TTN: variants seen among roughly 807,000 people sequenced by gnomAD.
TTN encodes titin, also known as connectin.
TTN carries 1,525 observed loss-of-function variants against 3,223.0 expected under a neutral mutation model. The ratio of observed to expected loss-of-function variants is 0.47; its 90% confidence interval spans 0.45 to 0.49. The LOEUF is 0.49. TTN is among the 20% of genes least tolerant of loss of function. The probability of loss-of-function intolerance (pLI) is 0.00; values close to 1 mark genes in which losing one functional copy is unlikely to be tolerated. For missense variants in TTN, 40,786 were observed against 43,424.0 expected (o/e 0.94, Z 5.40); for synonymous variants, 14,094 against 15,161.0 (o/e 0.93, Z 5.17).
Position 178,728,971 on chromosome 2 carries a change from T to A in TTN, c.19067A>T (p.Asn6356Ile), listed in dbSNP as rs773854949. The change falls in exon 65 of 363, where the codon AAT becomes ATT. Residue 6356 changes from asparagine (N) to isoleucine (I), a missense_variant. By Grantham distance (149) the Asn-to-Ile change is moderately radical. Transcript: ENST00000589042. Reference protein sequence around the residue: ...VATLQIRSVDNGHSGRYTCQA... With the variant: ...VATLQIRSVDIGHSGRYTCQA... ...ACAGGTATATCTCCCACTGTGTCCATTATCCACACTTCTGATTTGAAGTGT... is the reference window on the plus strand; with the variant it reads ...ACAGGTATATCTCCCACTGTGTCCAATATCCACACTTCTGATTTGAAGTGT... 7.4e-6 allele frequency: 12 copies of A among 1,613,006 alleles called. No homozygotes were observed. Among genetic ancestry groups the A allele is most frequent in the African/African-American group, 1.3e-5 (1 of 74,898 alleles).
chr2:178,641,497 G>A, intron 219 of TTN, 182 bp from the exon 220 acceptor site: 1 of 416,802 alleles, frequency 2.4e-6, no homozygotes, highest in Non-Finnish European at 4.2e-6. Flanking sequence ...AAAATCAAAG[G>A]TTGTCAATTA....
At position 178,564,830 on chromosome 2, in the gene TTN, C is replaced by A. The variant is rs201490050; in HGVS notation, c.81302G>T (p.Gly27101Val). 6.4e-5 allele frequency: 104 copies of A among 1,613,082 alleles called. No homozygotes were observed. In the African/African-American group the frequency reaches 1.3e-3, roughly 20 times the overall value. Residue 27101 changes from glycine to valine, a missense_variant, in exon 326 of 363, where the codon GGC (glycine) becomes GTC (valine). Gly to Val is a moderately radical substitution (Grantham distance 109). Transcript: ENST00000589042. ...AAGATGGTAGCCAATAATTTTGGTG[C>A]CTCCATCATTCACTGGCTCATGCCA... is the stretch of plus-strand genomic sequence containing the variant. ...VQWHEPVNDGGTKIIGYHLEQ... is the reference protein window; with the variant it reads ...VQWHEPVNDGVTKIIGYHLEQ...
chr2:178,771,492 A>C (rs773688361), intron 33 of TTN, 21 bp from the exon 34 acceptor site: 16 of 1,613,770 alleles, frequency 9.9e-6, no homozygotes, highest in Non-Finnish European at 1.4e-5. Context: ...AGAGATGTAC[A>C]GTATGAGTCC....
chr2:178,731,050 C>G lies in TTN; in HGVS notation c.17615G>C (p.Ser5872Thr). 1 of 1,613,668 alleles carries G rather than the reference C, an allele frequency of 6.2e-7. No homozygotes were observed. The highest frequency in any genetic ancestry group is 8.5e-7 in the Non-Finnish European group (1 of 1,179,734). Residue 5872 changes from serine to threonine, a missense_variant, in exon 60 of 363, where the codon AGT (serine) becomes ACT (threonine). Physicochemically the swap from Ser to Thr is moderately conservative, Grantham distance 58. Coordinates refer to ENST00000589042, the MANE Select transcript of TTN (RefSeq NM_001267550.2). ...CAGTATTGAGACTGTATCAGTGACA[C>G]TGATTTTATATTTTGAGCCCAGGGT... ...ELTLGSKYKI[S>T]VTDTVSILKI...
intron 353 of TTN, 49 bp downstream of exon 353, chr2:178,538,897 C>T (rs1237864273): frequency 6.3e-7 from 1 of 1,580,146 alleles, no homozygotes; most frequent in Middle Eastern, 1.7e-4. Flanking sequence ...ATAAAAGGAC[C>T]AAACATGGCT....
At position 178,764,695 on chromosome 2, in the gene TTN, T is replaced by C. The variant is rs201696360; in HGVS notation, c.9820A>G (p.Lys3274Glu). 3.1e-6 allele frequency: 5 copies of C among 1,614,132 alleles called. No homozygotes were observed. Among genetic ancestry groups the C allele is most frequent in the Non-Finnish European group, 4.2e-6 (5 of 1,180,004 alleles). ...CCAGTGGAAAGCAGCTGCTCTTCCT[T>C]GTACCAGGAAATTTTGGGCTGTGGT... ...GRPQPKISWY[K>E]EEQLLSTGFK... The change falls in exon 42 of 363, where the codon AAG becomes GAG. Residue 3274 changes from lysine to glutamate, a missense_variant. Transcript: ENST00000589042.
chr2:178,704,232 G>T lies in TTN; in HGVS notation c.30138C>A (p.Thr10046=). 6.2e-7 allele frequency: 1 copy of T among 1,613,952 alleles called. No individual in the cohort carries two copies. ...TEVEHKVHKL[T]IADVRAEDQG... ...GGTCTTCTGCTCGAACATCTGCAATGGTCAATTTATGGACTTTGTGTTCCA... is the reference window on the plus strand; with the variant it reads ...GGTCTTCTGCTCGAACATCTGCAATTGTCAATTTATGGACTTTGTGTTCCA... The change falls in exon 106 of 363, where the codon ACC becomes ACA. Residue 10046 remains threonine, a synonymous_variant. Coordinates refer to ENST00000589042, the MANE Select transcript of TTN (RefSeq NM_001267550.2).
chr2:178,681,355 G>T, intron 137 of TTN, 21 bp downstream of exon 137: 1 of 1,598,582 alleles, frequency 6.3e-7, no homozygotes, highest in Non-Finnish European at 8.6e-7. Context: ...TGTTTTTGGT[G>T]ATTATTACTC....
rs2047290068 is a variant in TTN at position 178,579,833 on chromosome 2, AC to A, written c.67363del (p.Val22455LeufsTer4). ...AVKASQTPGPVVDLKVRSVSK... is the reference protein window; with the variant it reads ...AVKASQTPGPXVDLKVRSVSK... Reference sequence around the variant, plus strand: ...TACAGACCTCACTTTCAGGTCCACAACTGGTCCAGGAGTTTCTAAAGCAAAG... The same window carrying A: ...TACAGACCTCACTTTCAGGTCCACAATGGTCCAGGAGTTTCTAAAGCAAAG... On this transcript the variant is annotated frameshift_variant, in exon 319 of 363. Coordinates refer to ENST00000589042, the MANE Select transcript of TTN (RefSeq NM_001267550.2). LOFTEE classifies it high-confidence loss of function. The A allele has an allele frequency of 6.2e-7, 1 of 1,612,996 alleles. No individual in the cohort carries two copies. Among genetic ancestry groups the A allele is most frequent in the Non-Finnish European group, 8.5e-7 (1 of 1,179,438 alleles).
In TTN at chr2:178,741,249, G is replaced by A. The variant is rs749320093; in HGVS notation, c.11984C>T (p.Thr3995Ile). The A allele has an allele frequency of 6.8e-6, 11 of 1,613,564 alleles. No homozygotes were observed. Among genetic ancestry groups the A allele is most frequent in the African/African-American group, 2.7e-5 (2 of 74,912 alleles). ...CCTCTGAGGGTCATTGACAATGAAAGTTCCAGAGCCATTAGGGTTATGAAT... is the reference window on the plus strand; with the variant it reads ...CCTCTGAGGGTCATTGACAATGAAAATTCCAGAGCCATTAGGGTTATGAAT... The part of the protein sequence containing the change: ...TIIHNPNGSG[T>I]FIVNDPQRED... The change falls in exon 48 of 363, where the codon ACT becomes ATT. Residue 3995 changes from threonine to isoleucine, a missense_variant. Physicochemically the swap from Thr to Ile is moderately conservative, Grantham distance 89. Coordinates refer to ENST00000589042, the MANE Select transcript of TTN (RefSeq NM_001267550.2).
At position 178,527,481 on chromosome 2, in the gene TTN, CT is replaced by C. The variant is rs1179955071; in HGVS notation, c.107644del (p.Ser35882AlafsTer11). On this transcript the variant is annotated frameshift_variant, in exon 362 of 363. Transcript: ENST00000589042. LOFTEE classifies it high-confidence loss of function. ...MGISNMTQLE[S>X]STSKMLKAGI... ...TGCTTTAAGCATTTTACTAGTTGAGCTTTCCAGTTGTGTCATATTAGATATT... is the reference window on the plus strand; with the variant it reads ...TGCTTTAAGCATTTTACTAGTTGAGCTTCCAGTTGTGTCATATTAGATATT... The C allele has an allele frequency of 3.1e-6, 5 of 1,613,812 alleles. No homozygotes were observed. Among genetic ancestry groups the C allele is most frequent in the Non-Finnish European group, 4.2e-6 (5 of 1,179,812 alleles).
In TTN at chr2:178,557,774, T is replaced by C; in HGVS notation, c.87580A>G (p.Arg29194Gly). 1 of 1,613,992 alleles carries C rather than the reference T, an allele frequency of 6.2e-7. No homozygotes were observed. Among genetic ancestry groups the C allele is most frequent in the South Asian group, 1.1e-5 (1 of 91,084 alleles). ...AGTTTCATGACTTTCATCATGGTTC[T>C]TGCAACTGTTGCAGACACTTCAGTC... ...VWTEVSATVA[R>G]TMMKVMKLTT... The change falls in exon 328 of 363, where the codon AGA (arginine) becomes GGA (glycine). Residue 29194 changes from arginine (R) to glycine (G), a missense_variant. Arg to Gly is a moderately radical substitution (Grantham distance 125). Transcript: ENST00000589042.
Position 178,612,349 on chromosome 2 carries a change from C to T in TTN, c.50176G>A (p.Ala16726Thr). 6.2e-7 allele frequency: 1 copy of T among 1,612,502 alleles called. No individual in the cohort carries two copies. The highest frequency in any genetic ancestry group is 8.5e-7 in the Non-Finnish European group (1 of 1,179,170). ...CTTTGTCCTATAGCATTTTCTGCAGCAACTCGGAACACATATAAAGAGCCC... is the reference window on the plus strand; with the variant it reads ...CTTTGTCCTATAGCATTTTCTGCAGTAACTCGGAACACATATAAAGAGCCC... ...TEGSLYVFRV[A>T]AENAIGQSDY... The change falls in exon 266 of 363, where the codon GCT becomes ACT. Residue 16726 changes from alanine (A) to threonine (T), a missense_variant. Transcript: ENST00000589042.
chr2:178,612,796 G>A lies in TTN; in HGVS notation c.49925C>T (p.Pro16642Leu), dbSNP rs2056587744. The A allele has an allele frequency of 6.2e-7, 1 of 1,611,880 alleles. No individual in the cohort carries two copies. Among genetic ancestry groups the A allele is most frequent in the Non-Finnish European group, 8.5e-7 (1 of 1,178,958 alleles). The change falls in exon 265 of 363, where the codon CCT (proline) becomes CTT (leucine). Residue 16642 changes from proline (P) to leucine (L), a missense_variant. Coordinates refer to ENST00000589042, the MANE Select transcript of TTN (RefSeq NM_001267550.2). Reference protein sequence around the residue: ...GESEPSEPSDPVLCREKLYPP... With the variant: ...GESEPSEPSDLVLCREKLYPP... ...ACATAGCTTCTCCCGGCAAAGCACA[G>A]GGTCACTGGGTTCACTGGGTTCACT...
chr2:178,697,203 T>G, intron 112 of TTN, 35 bp from the exon 113 acceptor site: 1 of 1,470,964 alleles, frequency 6.8e-7, no homozygotes, highest in Non-Finnish European at 9.1e-7. Context: ...GTGTGTTTAT[T>G]TTTAGATTAC....
In TTN at chr2:178,555,101, C is replaced by T; in HGVS notation, c.88358G>A (p.Arg29453Lys). The T allele has an allele frequency of 1.2e-6, 2 of 1,613,738 alleles. No individual in the cohort carries two copies. Among genetic ancestry groups the T allele is most frequent in the South Asian group, 1.1e-5 (1 of 91,044 alleles). ...PLEYTEVVKY[R>K]AGTSVKLRAG... ...TCTGAGCTTCACAGATGTACCTGCT[C>T]TGTATTTGACAACTTCTGTATATTC... Residue 29453 changes from arginine to lysine, a missense_variant, in exon 331 of 363, where the codon AGA becomes AAA. By Grantham distance (26) the Arg-to-Lys change is conservative (BLOSUM62 2). Transcript: ENST00000589042.
In TTN at chr2:178,610,251, C is replaced by T. The variant is rs1207362275; in HGVS notation, c.51275G>A (p.Arg17092Lys). 10 of 1,613,016 alleles carry T rather than the reference C, an allele frequency of 6.2e-6. No individual in the cohort carries two copies. Among genetic ancestry groups the T allele is most frequent in the Non-Finnish European group, 8.5e-6 (10 of 1,179,284 alleles). Reference protein sequence around the residue: ...YVLERREAGRRTYIPVMSGEN... With the variant: ...YVLERREAGRKTYIPVMSGEN... ...ACCAGACATGACTGGTATATATGTT[C>T]TCCTCCCAGCTTCTCTGCGCTCCAG... The change falls in exon 271 of 363, where the codon AGA becomes AAA. Residue 17092 changes from arginine to lysine, a missense_variant. Transcript: ENST00000589042.
chr2:178,707,140 A>G (rs1023656569), intron 100 of TTN, among the ~76,000 whole-genome samples, 186 bp from the exon 101 acceptor site: 1 of 152,224 alleles, frequency 6.6e-6, no homozygotes, highest in East Asian at 1.9e-4. Context: ...AATGATAGCT[A>G]TCAAAGGTTG....
At position 178,646,576 on chromosome 2, in the gene TTN, C is replaced by G; in HGVS notation, c.40223-17G>C. ...TTTCACGTTCTTTAAAGAATGTTGACAAAGGAGATGAGGTTGCAATGTAAA... is the reference window on the plus strand; with the variant it reads ...TTTCACGTTCTTTAAAGAATGTTGAGAAAGGAGATGAGGTTGCAATGTAAA... On this transcript the variant is annotated splice_polypyrimidine_tract_variant and intron_variant, in intron 215 of 362. Coordinates refer to ENST00000589042, the MANE Select transcript of TTN (RefSeq NM_001267550.2). 1 of 1,486,952 alleles carries G rather than the reference C, an allele frequency of 6.7e-7. No individual in the cohort carries two copies. Among genetic ancestry groups the G allele is most frequent in the Non-Finnish European group, 9.1e-7 (1 of 1,093,260 alleles). The allele number at this position is 1,486,952 out of a possible 1,614,324, so 92.1% of individuals were successfully genotyped here.
Sources: gnomAD v4.1 joint callset for allele counts (sites outside exome capture counted in the v4.1 genomes callset) on GRCh38, gnomAD v4.1.1 for gene constraint, MANE v1.5 for transcripts, NCBI Gene and HGNC (gene_info 2026-07-23, HGNC 2026-07-21) for gene names.